BMPER: variants seen among roughly 807,000 people sequenced by gnomAD.
BMPER encodes BMP-binding endothelial regulator protein.
Under a neutral mutation model 87.3 loss-of-function variants are expected in BMPER, and 45 were observed. That is an observed-to-expected ratio of 0.52 (90% CI 0.41 to 0.66). The LOEUF (loss-of-function observed/expected upper bound fraction) is 0.66. Among genes scored for constraint, BMPER ranks in the 30% least tolerant of loss-of-function variants. The pLI, the probability that BMPER is intolerant of heterozygous loss-of-function variation, is 0.00. For missense variants in BMPER, 784 were observed against 867.5 expected, an observed-to-expected ratio of 0.90 and a Z score of 1.21; for synonymous variants, 326 against 316.2, an observed-to-expected ratio of 1.03 and a Z score of -0.33.
intron 3 of BMPER, among the ~76,000 whole-genome samples, chr7:33,957,707 T>C (rs1785181885): frequency 6.6e-6 from 1 of 152,110 alleles, no homozygotes; most frequent in Admixed American, 6.6e-5. Context: ...CTGGAGGAGG[T>C]TGAGCAAAGG....
In BMPER at chr7:34,031,958, A is replaced by G. The variant is rs1256281923; in HGVS notation, c.577-14348A>G. 5.8e-5 allele frequency among the ~76,000 whole-genome samples: 8 copies of G among 138,162 alleles called. No homozygotes were observed. In the Admixed American group the frequency reaches 5.9e-4, roughly 10 times the overall value. The allele number at this position is 138,162 out of a possible 152,430, so 90.6% of individuals were successfully genotyped here. ...CACACACACACATATATATACACACACACATATATATAAATATATCTTATA... is the reference window on the plus strand; with the variant it reads ...CACACACACACATATATATACACACGCACATATATATAAATATATCTTATA... On this transcript the variant is annotated intron_variant, in intron 6 of 14. Transcript: ENST00000649409.
intron 1 of BMPER, 23 bp downstream of exon 1, chr7:33,905,769 C>G: frequency 1.9e-6 from 3 of 1,588,650 alleles, no homozygotes; most frequent in Non-Finnish European, 2.6e-6. Context: ...GCGGGAGGGA[C>G]CGGCCCTCCG....
chr7:33,926,795 T>C (rs1010324094), intron 2 of BMPER, among the ~76,000 whole-genome samples: 5 of 152,262 alleles, frequency 3.3e-5, no homozygotes, highest in Non-Finnish European at 7.3e-5. Context: ...TTTTCAGTTC[T>C]GCGAACTTCT....
At chr7:34,095,274 G>A (rs1789498629) in intron 13 of BMPER, among the ~76,000 whole-genome samples, 2 of 152,156 alleles carry the variant, frequency 1.3e-5, no homozygotes, top group South Asian at 4.1e-4. Context: ...GTAGAATTCA[G>A]GCTGTAGGAA....
intron 13 of BMPER, among the ~76,000 whole-genome samples, chr7:34,092,398 G>A (rs73316426): frequency 0.022 from 3,401 of 152,150 alleles, 142 homozygotes; most frequent in African/African-American, 0.077. Context: ...TGAAATACTC[G>A]CATCCACAGA....
intron 3 of BMPER, among the ~76,000 whole-genome samples, chr7:33,958,998 C>A (rs762471855): frequency 5.3e-5 from 8 of 152,056 alleles, no homozygotes; most frequent in Non-Finnish European, 1.2e-4. Context: ...AAGAGGAGTT[C>A]CCCTGGACAC....
chr7:33,920,436 T>TTTC (rs1195608342), intron 2 of BMPER, among the ~76,000 whole-genome samples: 1 of 143,662 alleles, frequency 7.0e-6, no homozygotes, highest in Non-Finnish European at 1.5e-5. Flanking sequence ...TTTTTTTTTT[T>TTTC]TTTTTTTGAG....
At chr7:34,055,062 C>A in intron 8 of BMPER, 101 bp from the exon 9 acceptor site, 1 of 1,528,606 alleles carries the variant, frequency 6.5e-7, no homozygotes. Flanking sequence ...ACCTTACAGA[C>A]TTTGACACAG....
At chr7:34,076,602 G>C (rs1368643114) in intron 11 of BMPER, among the ~76,000 whole-genome samples, 3 of 152,070 alleles carry the variant, frequency 2.0e-5, no homozygotes, top group Non-Finnish European at 4.4e-5. Flanking sequence ...GTGCTCAGCT[G>C]TTTGTTTAAT....
intron 13 of BMPER, among the ~76,000 whole-genome samples, chr7:34,093,747 A>G (rs1789456111): frequency 6.6e-6 from 1 of 152,214 alleles, no homozygotes; most frequent in Non-Finnish European, 1.5e-5. Flanking sequence ...ATGCAATTAG[A>G]AGGGACTTTT....
chr7:34,023,615 C>T (rs1787258189), intron 6 of BMPER, among the ~76,000 whole-genome samples: 1 of 151,950 alleles, frequency 6.6e-6, no homozygotes, highest in Non-Finnish European at 1.5e-5. Flanking sequence ...CTGAGGAGGG[C>T]CTAAATGTAT....
intron 3 of BMPER, among the ~76,000 whole-genome samples, chr7:33,964,727 T>C (rs1028829899): frequency 6.6e-6 from 1 of 152,228 alleles, no homozygotes; most frequent in African/African-American, 2.4e-5. Flanking sequence ...ATGGATTTTG[T>C]AGCACACTTC....
intron 3 of BMPER, among the ~76,000 whole-genome samples, chr7:33,952,611 A>T (rs1002149214): frequency 6.6e-6 from 1 of 152,182 alleles, no homozygotes; most frequent in Non-Finnish European, 1.5e-5. Flanking sequence ...AACTGAAAGT[A>T]TGTCCATATA....
intron 13 of BMPER, among the ~76,000 whole-genome samples, chr7:34,137,433 C>G (rs993473743): frequency 1.3e-5 from 2 of 152,252 alleles, no homozygotes; most frequent in Non-Finnish European, 2.9e-5. Context: ...CATGAGGTTA[C>G]TCTCTTTCAC....
At chr7:34,047,442 C>A (rs2127958324) in intron 7 of BMPER, among the ~76,000 whole-genome samples, 1 of 152,074 alleles carries the variant, frequency 6.6e-6, no homozygotes, top group South Asian at 2.1e-4. Flanking sequence ...CCACACCCAG[C>A]TAATTTTTGT....
chr7:34,059,316 G>A (rs560719462), intron 10 of BMPER, among the ~76,000 whole-genome samples: 2 of 152,224 alleles, frequency 1.3e-5, no homozygotes, highest in African/African-American at 2.4e-5. Flanking sequence ...TCAGCAGGCC[G>A]CCGTGGAGTT....
chr7:33,909,895 T>C (rs933220592), intron 2 of BMPER, among the ~76,000 whole-genome samples: 2 of 152,196 alleles, frequency 1.3e-5, no homozygotes, highest in Non-Finnish European at 2.9e-5. Context: ...CTGTGGAGTT[T>C]TTGAGGATGA....
chr7:34,152,401 C>T (rs1791200368), intron 14 of BMPER, among the ~76,000 whole-genome samples: 1 of 152,126 alleles, frequency 6.6e-6, no homozygotes, highest in African/African-American at 2.4e-5. Flanking sequence ...CAAGTCTAGT[C>T]ATGAATTTTC....
rs1788160720 is a variant in BMPER at position 34,052,114 on chromosome 7, C to T, written c.786+144C>T. ...GCCATTTTACAAGGAAAATCATACT[C>T]AAGGTCACCAAGGACTTACACATAG... is the stretch of plus-strand genomic sequence containing the variant. On this transcript the variant is annotated intron_variant, in intron 8 of 14. Coordinates refer to ENST00000649409, the MANE Select transcript of BMPER (RefSeq NM_001365308.1). The T allele has an allele frequency of 6.4e-6, 5 of 777,714 alleles. No homozygotes were observed. The East Asian group carries it at 1.3e-4, about 20-fold the overall frequency. The allele number at this position is 777,714 out of a possible 1,614,324, so 48.2% of individuals were successfully genotyped here.
Sources: gnomAD v4.1 joint callset for allele counts (sites outside exome capture counted in the v4.1 genomes callset) on GRCh38, gnomAD v4.1.1 for gene constraint, MANE v1.5 for transcripts, NCBI Gene and HGNC (gene_info 2026-07-23, HGNC 2026-07-21) for gene names.